The following EEFSEC variants were observed in gnomAD, a reference collection of about 807,000 sequenced individuals.
EEFSEC encodes eukaryotic elongation factor, selenocysteine-tRNA specific, also known as selenocysteine-specific elongation factor.
A neutral mutation model predicts 42.1 loss-of-function variants in EEFSEC; 43 were observed. The ratio of observed to expected loss-of-function variants is 1.02; its 90% CI spans 0.80 to 1.32. The LOEUF (loss-of-function observed/expected upper bound fraction) is 1.32. Ranked by LOEUF, EEFSEC falls within the 40% of genes most tolerant of loss-of-function variation. The pLI, the probability that EEFSEC is intolerant of heterozygous loss-of-function variation, is 0.00. For missense variants in EEFSEC, 745 were observed against 803.6 expected (o/e 0.93, Z 0.88); for synonymous variants, 354 against 339.1 (o/e 1.04, Z -0.48).
At chr3:128,172,823 G>T (rs991308061) in intron 1 of EEFSEC, among the ~76,000 whole-genome samples, 24 of 152,212 alleles carry the variant, frequency 1.6e-4, no homozygotes, top group Admixed American at 4.6e-4. Context: ...TAGATGGGAG[G>T]TGCCATGCTG....
At chr3:128,403,061 G>T (rs1210996030) in intron 6 of EEFSEC, among the ~76,000 whole-genome samples, 2 of 152,090 alleles carry the variant, frequency 1.3e-5, no homozygotes, top group African/African-American at 2.4e-5. Context: ...AGCATGAGGG[G>T]GTTGTAGTTC....
At chr3:128,417,181 C>T in the EEFSEC span, among the ~76,000 whole-genome samples, 1 of 152,130 alleles carries the variant, frequency 6.6e-6, no homozygotes, top group South Asian at 2.1e-4. The surrounding 1 kb of genome is among the most constrained non-coding windows in gnomAD (Gnocchi z 4.3). Flanking sequence ...CCGGAGAATC[C>T]TGTTAAAACG....
intron 1 of EEFSEC, among the ~76,000 whole-genome samples, chr3:128,207,775 C>G (rs992961334): frequency 6.6e-6 from 1 of 152,166 alleles, no homozygotes; most frequent in Non-Finnish European, 1.5e-5. Flanking sequence ...AATGGGTAGA[C>G]AGCTCAGTAA....
intron 6 of EEFSEC, among the ~76,000 whole-genome samples, chr3:128,390,765 C>T (rs1456560526): frequency 1.3e-5 from 2 of 152,342 alleles, no homozygotes; most frequent in African/African-American, 4.8e-5. Flanking sequence ...CCACTTTCTG[C>T]ACCACTCGGG....
intron 6 of EEFSEC, among the ~76,000 whole-genome samples, chr3:128,364,843 G>T (rs528754018): frequency 1.3e-5 from 2 of 152,344 alleles, no homozygotes; most frequent in South Asian, 4.1e-4. Flanking sequence ...GCATGGCAGC[G>T]TGGCCCCAAC....
In EEFSEC at chr3:128,341,322, G is replaced by A. The variant is rs1304050720; in HGVS notation, c.876G>A (p.Gln292=). 8.7e-6 allele frequency: 14 copies of A among 1,614,190 alleles called. No homozygotes were observed. The highest frequency in any genetic ancestry group is 1.1e-5 in the South Asian group (1 of 91,070). ...ACCGGCTGGGCATCTGCGTCACCCAGTTTGACCCTAAGCTGCTGGAGCGCG... is the reference window on the plus strand; with the variant it reads ...ACCGGCTGGGCATCTGCGTCACCCAATTTGACCCTAAGCTGCTGGAGCGCG... ...QGDRLGICVT[Q]FDPKLLERGL... The change falls in exon 5 of 7, where the codon CAG becomes CAA. Residue 292 remains glutamine (Q), a synonymous_variant. Transcript: ENST00000254730.
Position 128,262,015 on chromosome 3 carries a change from G to A in EEFSEC, c.525-113G>A, listed in dbSNP as rs574641348. ...TGTCTTCTAGGCTTGGTTGATGTGG[G>A]GAGAGAAGAGGATGCTCACTGCACT... On this transcript the variant is annotated intron_variant, in intron 2 of 6. Coordinates refer to ENST00000254730, the MANE Select transcript of EEFSEC (RefSeq NM_021937.5). 194 of 932,592 alleles carry A rather than the reference G, an allele frequency of 2.1e-4. No homozygotes were observed. In the African/African-American group the frequency reaches 3.0e-3, roughly 14 times the overall value. The allele number at this position is 932,592 out of a possible 1,614,324, so 57.8% of individuals were successfully genotyped here. A position where few individuals can be genotyped will look rare whatever the true frequency, so the allele number is the denominator to read the frequency against.
At chr3:128,418,235 G>A in the EEFSEC span, among the ~76,000 whole-genome samples, 2 of 151,776 alleles carry the variant, frequency 1.3e-5, no homozygotes, top group East Asian at 1.9e-4. Flanking sequence ...CCCAGCTCAC[G>A]GCCCCTCGGT....
rs775849626 is a variant in EEFSEC, at chr3:128,341,797, C to T, written c.1351C>T (p.Leu451Phe). 12 of 1,614,002 alleles carry T rather than the reference C, an allele frequency of 7.4e-6. No individual in the cohort carries two copies. The highest frequency in any genetic ancestry group is 8.5e-6 in the Non-Finnish European group (10 of 1,180,062). Residue 451 changes from leucine to phenylalanine, a missense_variant, in exon 5 of 7, where the codon CTC becomes TTC. Physicochemically the swap from Leu to Phe is conservative, Grantham distance 22 (BLOSUM62 0). Coordinates refer to ENST00000254730, the MANE Select transcript of EEFSEC (RefSeq NM_021937.5). ...TCRLAFHGIL[L>F]HGLEDRNYAD... Reference sequence around the variant, plus strand: ...CCGGCTAGCCTTCCATGGCATCCTGCTCCACGGGCTAGAGGACAGGAACTA... The same window carrying T: ...CCGGCTAGCCTTCCATGGCATCCTGTTCCACGGGCTAGAGGACAGGAACTA...
At chr3:128,276,029 C>A (rs2066464707) in intron 4 of EEFSEC, among the ~76,000 whole-genome samples, 1 of 152,194 alleles carries the variant, frequency 6.6e-6, no homozygotes, top group South Asian at 2.1e-4. Context: ...CCCCCTCATG[C>A]CCTGCCAGCC....
At chr3:128,324,522 C>T (rs1279366737) in intron 4 of EEFSEC, among the ~76,000 whole-genome samples, 1 of 152,196 alleles carries the variant, frequency 6.6e-6, no homozygotes, top group Admixed American at 6.5e-5. Context: ...GAATGCCTTA[C>T]TCCATGGAGT....
At chr3:128,174,110 C>T (rs1397467086) in intron 1 of EEFSEC, among the ~76,000 whole-genome samples, 1 of 152,218 alleles carries the variant, frequency 6.6e-6, no homozygotes, top group Non-Finnish European at 1.5e-5. Flanking sequence ...CCGCTGCTCT[C>T]AGAGGCCCTC....
chr3:128,397,612 T>C (rs985891525), intron 6 of EEFSEC, among the ~76,000 whole-genome samples: 2 of 152,172 alleles, frequency 1.3e-5, no homozygotes, highest in African/African-American at 4.8e-5. Flanking sequence ...ATCCAGACAC[T>C]TGTCAAACCT....
At chr3:128,329,094 T>C (rs2067096837) in intron 4 of EEFSEC, among the ~76,000 whole-genome samples, 1 of 152,156 alleles carries the variant, frequency 6.6e-6, no homozygotes, top group Admixed American at 6.5e-5. Context: ...CTTCTTATCA[T>C]TACTGTCATG....
intron 6 of EEFSEC, among the ~76,000 whole-genome samples, chr3:128,400,620 A>G (rs2068038160): frequency 1.3e-5 from 2 of 152,234 alleles, no homozygotes; most frequent in South Asian, 4.1e-4. Context: ...CAAAGGGGCC[A>G]GTGACCCCAA....
At chr3:128,296,871 T>C (rs1404978589) in intron 4 of EEFSEC, among the ~76,000 whole-genome samples, 1 of 152,238 alleles carries the variant, frequency 6.6e-6, no homozygotes, top group Non-Finnish European at 1.5e-5. Context: ...GTGGTTGTGA[T>C]CTTGGAGTGG....
At chr3:128,269,936 G>A (rs1408006516) in intron 4 of EEFSEC, among the ~76,000 whole-genome samples, 1 of 152,192 alleles carries the variant, frequency 6.6e-6, no homozygotes, top group Non-Finnish European at 1.5e-5. Context: ...AGAAACTGTT[G>A]AAGCCACAGA....
intron 3 of EEFSEC, among the ~76,000 whole-genome samples, chr3:128,263,806 C>T (rs560240567): frequency 6.6e-6 from 1 of 152,356 alleles, no homozygotes; most frequent in African/African-American, 2.4e-5. Context: ...TCTCCCGGCA[C>T]ACAGGTGGCA....
At position 128,331,155 on chromosome 3, in the gene EEFSEC, C is replaced by T. The variant is rs1430172392; in HGVS notation, c.787-10078C>T. The stretch of plus-strand genomic sequence containing the variant: ...GCATCTCCCCTCTTCCCCCCTTCCT[C>T]AGTGCATCTCCCCTCTTCCTCAGTG... On this transcript the variant is annotated intron_variant, in intron 4 of 6. Coordinates refer to ENST00000254730, the MANE Select transcript of EEFSEC (RefSeq NM_021937.5). Among the ~76,000 whole-genome samples, 3 of 43,498 alleles carry T rather than the reference C, an allele frequency of 6.9e-5. 1 individual carries two copies. The highest frequency in any genetic ancestry group is 1.1e-4 in the African/African-American group (1 of 9,216). The allele number at this position is 43,498 out of a possible 152,430, so 28.5% of individuals were successfully genotyped here.
Sources: allele counts gnomAD v4.1 joint callset (sites outside exome capture counted in the v4.1 genomes callset), GRCh38; gene constraint gnomAD v4.1.1; non-coding constraint Gnocchi (gnomAD v3.1); transcripts MANE v1.5; gene names NCBI Gene and HGNC (gene_info 2026-07-23, HGNC 2026-07-21).